Variants in IPCEF1 observed in about 807,000 individuals in gnomAD.
The protein encoded by IPCEF1 is interactor protein for cytohesin exchange factors 1.
In IPCEF1, 31 loss-of-function variants were observed where a neutral mutation model predicts 50.9. That is an observed-to-expected ratio of 0.61 (90% confidence interval 0.46 to 0.82). The LOEUF (loss-of-function observed/expected upper bound fraction) is 0.82, where lower values mean the gene tolerates loss of function less well. Ranked by LOEUF, IPCEF1 falls within the 40% of genes least tolerant of loss-of-function variation. The pLI is 0.00. For synonymous variants in IPCEF1, 181 were observed against 192.0 expected, an observed-to-expected ratio of 0.94 and a Z score of 0.47; for missense variants, 458 against 514.0, an observed-to-expected ratio of 0.89 and a Z score of 1.05.
chr6:154,240,699 C>G (rs1404350417), intron 5 of IPCEF1, among the ~76,000 whole-genome samples: 2 of 152,118 alleles, frequency 1.3e-5, no homozygotes, highest in Non-Finnish European at 2.9e-5. Flanking sequence ...ATATGCCTTC[C>G]AAAGATAAGA....
intron 10 of IPCEF1, among the ~76,000 whole-genome samples, chr6:154,177,742 G>A (rs1475885334): frequency 1.3e-5 from 2 of 152,152 alleles, no homozygotes; most frequent in African/African-American, 4.8e-5. Context: ...GATTCCTCAA[G>A]GATCTAGAAC....
intron 1 of IPCEF1, among the ~76,000 whole-genome samples, chr6:154,339,298 T>G (rs1216040792): frequency 1.3e-5 from 2 of 152,186 alleles, no homozygotes; most frequent in African/African-American, 4.8e-5. Context: ...AGCCTAATCA[T>G]TTTTTAAAAA....
chr6:154,309,352 G>A (rs1783015243), intron 1 of IPCEF1, among the ~76,000 whole-genome samples: 1 of 152,150 alleles, frequency 6.6e-6, no homozygotes, highest in Admixed American at 6.5e-5. Context: ...TCTAATGCCA[G>A]CACACTACCT....
chr6:154,235,158 G>A (rs552269502), intron 5 of IPCEF1, among the ~76,000 whole-genome samples: 95 of 152,314 alleles, frequency 6.2e-4, no homozygotes, highest in Non-Finnish European at 1.1e-3. Context: ...GTTATTACAC[G>A]AGTTGGGAGA....
rs1006018674 is a variant in IPCEF1 at position 154,243,201 on chromosome 6, A to C, written c.246+3390T>G. The stretch of plus-strand genomic sequence containing the variant: ...AGGAAATAAGAAAGGTTACCAGTTA[A>C]GGTGATTCCCACAAACCAGGAAGTG... On this transcript the variant is annotated intron_variant, in intron 5 of 11. Transcript: ENST00000367220. 5.3e-5 allele frequency among the ~76,000 whole-genome samples: 8 copies of C among 152,242 alleles called. 1 individual carries two copies. Among genetic ancestry groups the C allele is most frequent in the Admixed American group, 1.3e-4 (2 of 15,288 alleles).
rs1184982128 is a variant in IPCEF1 at position 154,157,666 on chromosome 6, A to G, written c.*2162T>C. The G allele has an allele frequency of 6.6e-6, 1 of 152,224 alleles. No individual in the cohort carries two copies. Among genetic ancestry groups the G allele is most frequent in the African/African-American group, 2.4e-5 (1 of 41,450 alleles). The allele number at this position is 152,224 out of a possible 1,614,324, so 9.4% of individuals were successfully genotyped here. On this transcript the variant is annotated 3_prime_UTR_variant, in exon 12 of 12. Transcript: ENST00000367220. The stretch of plus-strand genomic sequence containing the variant: ...TCTGGAGCTCTTCAATTTAAGAAAA[A>G]CTGGAAGTCTACAGGCTGGTGTTGC...
In IPCEF1 at chr6:154,159,725, G is replaced by A. The variant is rs577921212; in HGVS notation, c.*103C>T. 3.6e-6 allele frequency: 3 copies of A among 828,598 alleles called. No homozygotes were observed. The Admixed American group carries it at 8.1e-5, about 22-fold the overall frequency. The allele number at this position is 828,598 out of a possible 1,614,324, so 51.3% of individuals were successfully genotyped here. ...TTTAGATGGGAAGCTGATGCTTGAAGGACTGGGTTTCAGTTTTCCTTTTAA... is the reference window on the plus strand; with the variant it reads ...TTTAGATGGGAAGCTGATGCTTGAAAGACTGGGTTTCAGTTTTCCTTTTAA... On this transcript the variant is annotated 3_prime_UTR_variant, in exon 12 of 12. Transcript: ENST00000367220.
intron 3 of IPCEF1, among the ~76,000 whole-genome samples, chr6:154,265,616 G>A (rs1362564714): frequency 6.6e-6 from 1 of 152,078 alleles, no homozygotes; most frequent in East Asian, 1.9e-4. Flanking sequence ...TTTTCCTACA[G>A]AGGTTGCATG....
Position 154,296,551 on chromosome 6 carries a change from C to T in IPCEF1, c.-61-6795G>A, listed in dbSNP as rs540281059. On this transcript the variant is annotated intron_variant, in intron 1 of 11. Transcript: ENST00000367220. ...AAATGTTGTTAAAATGAATATCGGC[C>T]GGGCGTGGTGGCTCACGCCTGTAAT... Among the ~76,000 whole-genome samples the T allele has an allele frequency of 4.6e-5, 7 of 152,176 alleles. No individual in the cohort carries two copies. The East Asian group carries it at 1.4e-3, about 29-fold the overall frequency.
chr6:154,312,046 G>A (rs549602196), intron 1 of IPCEF1, among the ~76,000 whole-genome samples: 1 of 152,264 alleles, frequency 6.6e-6, no homozygotes, highest in Admixed American at 6.5e-5. Flanking sequence ...CAATAGCCAA[G>A]ATATGCAATC....
intron 1 of IPCEF1, among the ~76,000 whole-genome samples, chr6:154,300,905 C>T (rs1269074006): frequency 1.3e-5 from 2 of 152,138 alleles, no homozygotes; most frequent in Non-Finnish European, 2.9e-5. Context: ...TGTTACTTGA[C>T]CACTGAAAAG....
rs1384358566 is a variant in IPCEF1 at position 154,155,364 on chromosome 6, G to C, written c.*4464C>G. ...GTGAGGTATACAAAAGAAATTGGAAGAGAAATAAATTGGAAAACCACAATT... is the reference window on the plus strand; with the variant it reads ...GTGAGGTATACAAAAGAAATTGGAACAGAAATAAATTGGAAAACCACAATT... On this transcript the variant is annotated 3_prime_UTR_variant, in exon 12 of 12. Transcript: ENST00000367220. 6.6e-6 allele frequency: 1 copy of C among 152,208 alleles called. No homozygotes were observed. Among genetic ancestry groups the C allele is most frequent in the Non-Finnish European group, 1.5e-5 (1 of 68,042 alleles). The allele number at this position is 152,208 out of a possible 1,614,324, so 9.4% of individuals were successfully genotyped here. A position where few individuals can be genotyped will look rare whatever the true frequency, so the allele number is the denominator to read the frequency against.
intron 1 of IPCEF1, among the ~76,000 whole-genome samples, chr6:154,336,124 C>T (rs1240559273): frequency 1.3e-5 from 2 of 152,136 alleles, no homozygotes; most frequent in African/African-American, 4.8e-5. Flanking sequence ...TCTTTAAAAA[C>T]TAGAAATAGA....
At chr6:154,339,964 T>C (rs1048057036) in intron 1 of IPCEF1, among the ~76,000 whole-genome samples, 2 of 152,038 alleles carry the variant, frequency 1.3e-5, no homozygotes, top group Non-Finnish European at 2.9e-5. Flanking sequence ...GGGGGAAACC[T>C]GCTAGCAAGA....
At chr6:154,290,497 A>G (rs1275757700) in intron 1 of IPCEF1, among the ~76,000 whole-genome samples, 1 of 152,136 alleles carries the variant, frequency 6.6e-6, no homozygotes, top group East Asian at 1.9e-4. Flanking sequence ...ACTTTTTAAT[A>G]AGCTCTCACT....
At chr6:154,233,460 T>C (rs1443111712) in intron 5 of IPCEF1, among the ~76,000 whole-genome samples, 1 of 152,184 alleles carries the variant, frequency 6.6e-6, no homozygotes, top group East Asian at 1.9e-4. Context: ...CATTACCCTA[T>C]GAATATAACT....
chr6:154,352,250 G>T (rs1312191453), intron 1 of IPCEF1, among the ~76,000 whole-genome samples: 2 of 152,228 alleles, frequency 1.3e-5, no homozygotes, highest in Non-Finnish European at 2.9e-5. Flanking sequence ...CAAGTGCTCA[G>T]TAATATCATT....
At chr6:154,224,603 T>C (rs763536521) in intron 5 of IPCEF1, among the ~76,000 whole-genome samples, 3 of 151,908 alleles carry the variant, frequency 2.0e-5, no homozygotes, top group Non-Finnish European at 2.9e-5. Flanking sequence ...TTCAGCTACT[T>C]GGGAAGCTGA....
chr6:154,225,263 G>T (rs982620878), intron 5 of IPCEF1, among the ~76,000 whole-genome samples: 1 of 152,022 alleles, frequency 6.6e-6, no homozygotes, highest in Non-Finnish European at 1.5e-5. Flanking sequence ...ATGCTCAGAG[G>T]AATTGAAAAA....
Sources: allele counts gnomAD v4.1 joint callset (sites outside exome capture counted in the v4.1 genomes callset), GRCh38; gene constraint gnomAD v4.1.1; transcripts MANE v1.5; gene names NCBI Gene and HGNC (gene_info 2026-07-23, HGNC 2026-07-21).